SMARCA4: variants seen among roughly 807,000 people sequenced by gnomAD.
SMARCA4 encodes the protein SWI/SNF related BAF chromatin remodeling complex subunit ATPase 4.
A neutral mutation model predicts 193.9 loss-of-function variants in SMARCA4; 31 were observed. That is an observed-to-expected ratio of 0.16 (90% CI 0.12 to 0.22). The LOEUF (loss-of-function observed/expected upper bound fraction) is 0.22. SMARCA4 is among the 10% of genes least tolerant of loss of function. SMARCA4 has a pLI of 1.00. For missense variants in SMARCA4, 1,148 were observed against 2,296.0 expected, an observed-to-expected ratio of 0.50 and a Z score of 10.22; for synonymous variants, 942 against 933.1, an observed-to-expected ratio of 1.01 and a Z score of -0.17.
At chr19:11,055,104 C>T (rs577253297) in intron 30 of SMARCA4, among the ~76,000 whole-genome samples, 9 of 152,266 alleles carry the variant, frequency 5.9e-5, no homozygotes, top group East Asian at 1.9e-4. Flanking sequence ...ATCCTCAGAC[C>T]GGCAACTGGG....
chr19:11,051,031 A>T (rs928622350), intron 30 of SMARCA4, among the ~76,000 whole-genome samples: 1 of 152,248 alleles, frequency 6.6e-6, no homozygotes, highest in Non-Finnish European at 1.5e-5. Flanking sequence ...GGTCCAACAT[A>T]ACCATGGCAG....
chr19:11,054,942 C>T (rs966358359), intron 30 of SMARCA4, among the ~76,000 whole-genome samples: 7 of 152,226 alleles, frequency 4.6e-5, no homozygotes, highest in South Asian at 2.1e-4. Flanking sequence ...AAGGTGGTGG[C>T]GCCTATCCAG....
At position 10,986,791 on chromosome 19, in the gene SMARCA4, G is replaced by T. The variant is rs193138968; in HGVS notation, c.761-114G>T. 558 of 1,232,298 alleles carry T rather than the reference G, an allele frequency of 4.5e-4. 3 individuals are homozygous for T. In the African/African-American group the frequency reaches 7.4e-3, roughly 16 times the overall value. 76.3% of individuals were successfully genotyped at this position (1,232,298 alleles called of 1,614,324 possible). ...CCAGCTCCCCGCTTCCCCTGGGGCC[G>T]CTGGTTAATAGGTGTATCTGCTGTG... is the stretch of plus-strand genomic sequence containing the variant. On this transcript the variant is annotated intron_variant, in intron 4 of 34. Coordinates refer to ENST00000344626, the MANE Select transcript of SMARCA4 (RefSeq NM_003072.5). This position sits in a 1 kb window ranked among gnomAD's most constrained non-coding sequence, Gnocchi z 6.7.
intron 13 of SMARCA4, among the ~76,000 whole-genome samples, chr19:11,003,669 G>T (rs1231710857): frequency 2.0e-5 from 3 of 151,452 alleles, no homozygotes; most frequent in South Asian, 4.2e-4. Context: ...CATTTCAGGT[G>T]CTTGGCATCC....
chr19:11,041,380 G>A lies in SMARCA4; in HGVS notation c.4244G>A (p.Arg1415Gln), dbSNP rs878854225. ...RQKKSSRKRKRDSDAGSSTPT... is the reference protein window; with the variant it reads ...RQKKSSRKRKQDSDAGSSTPT... ...AAGAAATCATCACGGAAGCGCAAGC[G>A]AGACAGCGACGCCGGCTCCTCCACC... The change falls in exon 30 of 35, where the codon CGA becomes CAA. Residue 1415 changes from arginine (R) to glutamine (Q), a missense_variant. By Grantham distance (43) the Arg-to-Gln change is conservative (BLOSUM62 1). This residue lies in a region of SMARCA4 where 141 missense variants were observed against 193.0 expected (regional missense o/e 0.73). Coordinates refer to ENST00000344626, the MANE Select transcript of SMARCA4 (RefSeq NM_003072.5). This position sits in a 1 kb window ranked among gnomAD's most constrained non-coding sequence, Gnocchi z 5.6. The A allele has an allele frequency of 6.2e-6, 10 of 1,612,602 alleles. No homozygotes were observed. The highest frequency in any genetic ancestry group is 6.8e-6 in the Non-Finnish European group (8 of 1,180,014).
chr19:11,041,100 T>A lies in SMARCA4; in HGVS notation c.4171-207T>A. 1.7e-6 allele frequency: 1 copy of A among 574,706 alleles called. No homozygotes were observed. Among genetic ancestry groups the A allele is most frequent in the Non-Finnish European group, 3.1e-6 (1 of 327,310 alleles). The allele number at this position is 574,706 out of a possible 1,614,324, so 35.6% of individuals were successfully genotyped here. ...TAAAGACAAGCTTGGGTGGGGTGCC[T>A]GCTGGGGGCAGTGCTGGTCTTTCAC... On this transcript the variant is annotated intron_variant, in intron 29 of 34. Coordinates refer to ENST00000344626, the MANE Select transcript of SMARCA4 (RefSeq NM_003072.5). This position sits in a 1 kb window ranked among gnomAD's most constrained non-coding sequence, Gnocchi z 5.6.
At position 11,009,130 on chromosome 19, in the gene SMARCA4, T is replaced by C. The variant is rs1415372437; in HGVS notation, c.2123+1107T>C. ...TCCACCTCCTGGGTTCGAGTGATTCTCTTGCCTCGGCCTCCTGAGTAGCTG... is the reference window on the plus strand; with the variant it reads ...TCCACCTCCTGGGTTCGAGTGATTCCCTTGCCTCGGCCTCCTGAGTAGCTG... On this transcript the variant is annotated intron_variant, in intron 14 of 34. Transcript: ENST00000344626. 5.4e-5 allele frequency among the ~76,000 whole-genome samples: 8 copies of C among 147,550 alleles called. No individual in the cohort carries two copies. The Middle Eastern group carries it at 0.01, about 193-fold the overall frequency.
At position 11,041,672 on chromosome 19, in the gene SMARCA4, A is replaced by T. The variant is rs933009313; in HGVS notation, c.4424+112A>T. ...GCTTGGGCCGCTCACTCTTTCACTC[A>T]TCCACAAACACTGACTGAATCTCTG... On this transcript the variant is annotated intron_variant, in intron 30 of 34. Coordinates refer to ENST00000344626, the MANE Select transcript of SMARCA4 (RefSeq NM_003072.5). The surrounding 1 kb of genome is among the most constrained non-coding windows in gnomAD (Gnocchi z 5.6). 2 of 881,438 alleles carry T rather than the reference A, an allele frequency of 2.3e-6. No homozygotes were observed. The highest frequency in any genetic ancestry group is 3.5e-6 in the Non-Finnish European group (2 of 570,486). The allele number at this position is 881,438 out of a possible 1,614,324, so 54.6% of individuals were successfully genotyped here. A position where few individuals can be genotyped will look rare whatever the true frequency, so the allele number is the denominator to read the frequency against.
rs111793616 is a variant in SMARCA4, at chr19:11,026,208, T to A, written c.3169-92T>A. ...TGCCGAGCACACAGTGTGGGGGCTTTGTCCTCTGAGCACGAGCGGTGTGTG... is the reference window on the plus strand; with the variant it reads ...TGCCGAGCACACAGTGTGGGGGCTTAGTCCTCTGAGCACGAGCGGTGTGTG... On this transcript the variant is annotated intron_variant, in intron 22 of 34. Coordinates refer to ENST00000344626, the MANE Select transcript of SMARCA4 (RefSeq NM_003072.5). 4.1e-4 allele frequency: 412 copies of A among 1,008,392 alleles called. 3 individuals are homozygous for A. The African/African-American group carries it at 5.3e-3, about 13-fold the overall frequency. The allele number at this position is 1,008,392 out of a possible 1,614,324, so 62.5% of individuals were successfully genotyped here. A position where few individuals can be genotyped will look rare whatever the true frequency, so the allele number is the denominator to read the frequency against.
intron 24 of SMARCA4, among the ~76,000 whole-genome samples, chr19:11,028,204 G>A (rs960433255): frequency 2.6e-5 from 4 of 152,208 alleles, no homozygotes; most frequent in African/African-American, 9.6e-5. Flanking sequence ...CTGGGGAAGG[G>A]GTGCCCTGTG....
At position 10,986,333 on chromosome 19, in the gene SMARCA4, G is replaced by C. The variant is rs748340475; in HGVS notation, c.500G>C (p.Arg167Pro). Residue 167 changes from arginine (R) to proline (P), a missense_variant, in exon 4 of 35, where the codon CGG becomes CCG. Coordinates refer to ENST00000344626, the MANE Select transcript of SMARCA4 (RefSeq NM_003072.5). This position sits in a 1 kb window ranked among gnomAD's most constrained non-coding sequence, Gnocchi z 6.7. ...CCCCAGGCCTTGGGGCAGCAGAACCGGGGCCCAACCCCATTTAACCAGAAC... is the reference window on the plus strand; with the variant it reads ...CCCCAGGCCTTGGGGCAGCAGAACCCGGGCCCAACCCCATTTAACCAGAAC... Reference protein sequence around the residue: ...ADPQALGQQNRGPTPFNQNQL... With the variant: ...ADPQALGQQNPGPTPFNQNQL... 1 of 1,613,236 alleles carries C rather than the reference G, an allele frequency of 6.2e-7. No homozygotes were observed. The highest frequency in any genetic ancestry group is 8.5e-7 in the Non-Finnish European group (1 of 1,179,852).
chr19:11,018,201 A>T (rs2089539077), intron 16 of SMARCA4: 1 of 160,116 alleles, frequency 6.2e-6, no homozygotes, highest in Non-Finnish European at 1.4e-5. Flanking sequence ...CCCCGTCTAG[A>T]CTTTCTGAGT....
At chr19:10,965,516 A>G (rs11667377) in intron 1 of SMARCA4, among the ~76,000 whole-genome samples, 6,717 of 152,272 alleles carry the variant, frequency 0.044, 196 homozygotes, top group African/African-American at 0.073. Flanking sequence ...CAGCTCCTCC[A>G]TTTTGTCCTT....
In SMARCA4 at chr19:11,059,290, G is replaced by A. The variant is rs1264193713; in HGVS notation, c.4635+401G>A. 1.3e-5 allele frequency: 4 copies of A among 302,688 alleles called. No homozygotes were observed. The East Asian group carries it at 3.4e-4, about 25-fold the overall frequency. The allele number at this position is 302,688 out of a possible 1,614,324, so 18.8% of individuals were successfully genotyped here. ...GGCACATTCTCTTCAAAGGAATCCT[G>A]TGGGTTTGTTCTTTCCTGTGATAGA... is the stretch of plus-strand genomic sequence containing the variant. On this transcript the variant is annotated intron_variant, in intron 32 of 34. Transcript: ENST00000344626.
At chr19:10,973,770 C>T (rs980156642) in intron 1 of SMARCA4, among the ~76,000 whole-genome samples, 11 of 152,018 alleles carry the variant, frequency 7.2e-5, no homozygotes, top group Admixed American at 1.3e-4. Flanking sequence ...GGGGTTTCAC[C>T]GTGTTAGCCA....
At chr19:11,028,017 A>G (rs1173023151) in intron 24 of SMARCA4, 67 bp downstream of exon 24, 1 of 1,537,502 alleles carries the variant, frequency 6.5e-7, no homozygotes, top group Non-Finnish European at 9.0e-7. Flanking sequence ...GAAGCTCCTC[A>G]CTGGCATTCC....
At chr19:11,028,747 C>T in intron 24 of SMARCA4, among the ~76,000 whole-genome samples, 1 of 152,240 alleles carries the variant, frequency 6.6e-6, no homozygotes, top group South Asian at 2.1e-4. Flanking sequence ...GCACGTGAGA[C>T]ATGTCTGTCA....
At chr19:10,981,031 C>A (rs1007791708) in intron 1 of SMARCA4, among the ~76,000 whole-genome samples, 2 of 152,164 alleles carry the variant, frequency 1.3e-5, no homozygotes, top group African/African-American at 4.8e-5. Context: ...GGATTACAGG[C>A]GTGCTGGATT....
chr19:10,979,114 G>A (rs1046080560), intron 1 of SMARCA4, among the ~76,000 whole-genome samples: 3 of 152,188 alleles, frequency 2.0e-5, no homozygotes, highest in Non-Finnish European at 4.4e-5. Context: ...AGCAGCAAGT[G>A]TTGGGGTTGA....
Sources: allele counts gnomAD v4.1 joint callset (sites outside exome capture counted in the v4.1 genomes callset), GRCh38; gene constraint gnomAD v4.1.1; regional missense constraint gnomAD v4.1.1; non-coding constraint Gnocchi (gnomAD v3.1); transcripts MANE v1.5; gene names NCBI Gene and HGNC (gene_info 2026-07-23, HGNC 2026-07-21).